Variants in CACUL1 observed in about 807,000 individuals in gnomAD.
The protein encoded by CACUL1 is CDK2-associated and cullin domain-containing protein 1.
A neutral mutation model predicts 45.2 loss-of-function variants in CACUL1; 13 were observed. That is an observed-to-expected ratio of 0.29 (90% CI 0.19 to 0.46). The LOEUF (loss-of-function observed/expected upper bound fraction) is 0.46. Ranked by LOEUF, CACUL1 falls within the 20% of genes least tolerant of loss-of-function variation. The pLI, the probability that CACUL1 is intolerant of heterozygous loss-of-function variation, is 1.00. For missense variants in CACUL1, 421 were observed against 471.4 expected (o/e 0.89, Z 0.99); for synonymous variants, 197 against 174.2 (o/e 1.13, Z -1.03).
At chr10:118,726,336 T>C in intron 3 of CACUL1, 1 of 1,287,996 alleles carries the variant, frequency 7.8e-7, no homozygotes, top group South Asian at 1.2e-5. Flanking sequence ...CTCTTTCCAT[T>C]AGTACAGGTC....
chr10:118,714,244 C>T (rs1477365931), intron 3 of CACUL1, among the ~76,000 whole-genome samples: 1 of 152,144 alleles, frequency 6.6e-6, no homozygotes, highest in Non-Finnish European at 1.5e-5. Flanking sequence ...GGTCTATCTT[C>T]TACTTTAAAT....
chr10:118,704,926 G>T (rs796858752), intron 4 of CACUL1, among the ~76,000 whole-genome samples: 5 of 152,352 alleles, frequency 3.3e-5, no homozygotes, highest in African/African-American at 1.2e-4. Context: ...TGTAACACAG[G>T]CGAGCTGGGG....
chr10:118,739,194 CAA>C (rs79882764), intron 1 of CACUL1, among the ~76,000 whole-genome samples: 5 of 125,524 alleles, frequency 4.0e-5, no homozygotes, highest in Admixed American at 1.5e-4. Context: ...TCCTCCGTCT[CAA>C]AAAAAAAAAA....
chr10:118,753,404 G>A (rs751501591), intron 1 of CACUL1, among the ~76,000 whole-genome samples: 1 of 152,192 alleles, frequency 6.6e-6, no homozygotes, highest in Non-Finnish European at 1.5e-5. Flanking sequence ...TTAGTAGCTA[G>A]AAATGAACTC....
chr10:118,733,737 C>G (rs982136111), intron 1 of CACUL1, among the ~76,000 whole-genome samples: 2 of 152,182 alleles, frequency 1.3e-5, no homozygotes, highest in Non-Finnish European at 2.9e-5. Flanking sequence ...GTAGGCCAGG[C>G]GCACTGGCTC....
In CACUL1 at chr10:118,682,693, T is replaced by C. The variant is rs1056990698; in HGVS notation, c.*3435A>G. The C allele has an allele frequency of 1.3e-5, 2 of 152,666 alleles. No homozygotes were observed. The highest frequency in any genetic ancestry group is 2.4e-5 in the African/African-American group (1 of 41,450). The allele number at this position is 152,666 out of a possible 1,614,324, so 9.5% of individuals were successfully genotyped here. On this transcript the variant is annotated 3_prime_UTR_variant, in exon 9 of 9. Transcript: ENST00000369151. The stretch of plus-strand genomic sequence containing the variant: ...GCTCATGCAAACTCTTCCTGAGGAA[T>C]TTATGTGTGCAAATCTGCAACCCGA...
chr10:118,753,946 CAAG>C (rs1845925358), intron 1 of CACUL1, among the ~76,000 whole-genome samples: 1 of 152,202 alleles, frequency 6.6e-6, no homozygotes, highest in South Asian at 2.1e-4. Flanking sequence ...GCCAAAAACA[CAAG>C]AACACAAGTT....
intron 1 of CACUL1, among the ~76,000 whole-genome samples, chr10:118,738,373 T>A (rs1845759081): frequency 6.6e-6 from 1 of 152,184 alleles, no homozygotes; most frequent in African/African-American, 2.4e-5. Flanking sequence ...ACTGGCAGAT[T>A]AAGCAGAAGT....
At chr10:118,701,013 A>G (rs1369375065) in intron 5 of CACUL1, among the ~76,000 whole-genome samples, 1 of 152,148 alleles carries the variant, frequency 6.6e-6, no homozygotes, top group East Asian at 1.9e-4. Context: ...CTTCCTAATA[A>G]TACTTTCCCT....
chr10:118,740,567 G>A (rs1033422125), intron 1 of CACUL1, among the ~76,000 whole-genome samples: 3 of 150,632 alleles, frequency 2.0e-5, no homozygotes, highest in Non-Finnish European at 4.4e-5. Context: ...CCGAGATCAC[G>A]CCACTGCACT....
At chr10:118,693,816 AT>A (rs1845294762) in intron 6 of CACUL1, 1 of 438,930 alleles carries the variant, frequency 2.3e-6, no homozygotes, top group South Asian at 1.6e-5. Context: ...TATACAAGTA[AT>A]TTCTGTTAAA....
chr10:118,679,285 C>G lies in CACUL1; in HGVS notation c.*6843G>C, dbSNP rs571122172. On this transcript the variant is annotated 3_prime_UTR_variant, in exon 9 of 9. Transcript: ENST00000369151. The stretch of plus-strand genomic sequence containing the variant: ...TGGTGTGACCTTAGCCCACTGTAAC[C>G]TCCACTTCCTGGGTTCAAGTTCTTG... 8 of 152,362 alleles carry G rather than the reference C, an allele frequency of 5.3e-5. No individual in the cohort carries two copies. The South Asian group carries it at 1.7e-3, about 32-fold the overall frequency. 9.4% of individuals were successfully genotyped at this position (152,362 alleles called of 1,614,324 possible).
intron 7 of CACUL1, among the ~76,000 whole-genome samples, chr10:118,691,019 C>G (rs1346640451): frequency 6.6e-6 from 1 of 152,224 alleles, no homozygotes; most frequent in Non-Finnish European, 1.5e-5. Context: ...CCACTGCATT[C>G]CAGCCTAGAA....
At chr10:118,692,729 C>T (rs1350541740) in intron 6 of CACUL1, 1 of 152,110 alleles carries the variant, frequency 6.6e-6, no homozygotes, top group Non-Finnish European at 1.5e-5. Context: ...ACTTTAAAAA[C>T]GATAATCTGA....
chr10:118,681,515 C>T lies in CACUL1; in HGVS notation c.*4613G>A, dbSNP rs765612853. The T allele has an allele frequency of 6.6e-6, 1 of 152,110 alleles. No individual in the cohort carries two copies. The highest frequency in any genetic ancestry group is 2.1e-4 in the South Asian group (1 of 4,822). The allele number at this position is 152,110 out of a possible 1,614,324, so 9.4% of individuals were successfully genotyped here. A position where few individuals can be genotyped will look rare whatever the true frequency, so the allele number is the denominator to read the frequency against. On this transcript the variant is annotated 3_prime_UTR_variant, in exon 9 of 9. Transcript: ENST00000369151. ...CATTGAAATGACGTGAGAATCAATA[C>T]AAAATATTTATTTTTTTTCAAACCA...
intron 3 of CACUL1, among the ~76,000 whole-genome samples, chr10:118,712,610 A>C (rs1845499819): frequency 6.6e-6 from 1 of 152,248 alleles, no homozygotes; most frequent in Non-Finnish European, 1.5e-5. Flanking sequence ...CTCAGAGGAA[A>C]GCTGCAGGGA....
At chr10:118,724,415 T>C (rs1164824237) in intron 3 of CACUL1, among the ~76,000 whole-genome samples, 1 of 152,140 alleles carries the variant, frequency 6.6e-6, no homozygotes, top group Non-Finnish European at 1.5e-5. Context: ...TGGTCCACAC[T>C]ATCTAGTCTT....
intron 3 of CACUL1, among the ~76,000 whole-genome samples, chr10:118,708,147 C>CAAAAA (rs34008762): frequency 1.9e-5 from 2 of 103,942 alleles, no homozygotes; most frequent in African/African-American, 3.8e-5. Flanking sequence ...AACACTGTCT[C>CAAAAA]AAAAAAAAAA....
Position 118,754,961 on chromosome 10 carries a change from C to A in CACUL1, c.-199G>T, listed in dbSNP as rs1845943786. Reference sequence around the variant, plus strand: ...GACGCGGCTGACGGCGGTGGGCGCTCCGGGGCTCTAGTCTGGGAGAGGCAG... The same window carrying A: ...GACGCGGCTGACGGCGGTGGGCGCTACGGGGCTCTAGTCTGGGAGAGGCAG... On this transcript the variant is annotated 5_prime_UTR_variant, in exon 1 of 9. Transcript: ENST00000369151. The A allele has an allele frequency of 1.6e-6, 1 of 619,916 alleles. No homozygotes were observed. The highest frequency in any genetic ancestry group is 2.6e-6 in the Non-Finnish European group (1 of 390,468). 38.4% of individuals were successfully genotyped at this position (619,916 alleles called of 1,614,324 possible).
Sources: allele counts gnomAD v4.1 joint callset (sites outside exome capture counted in the v4.1 genomes callset), GRCh38; gene constraint gnomAD v4.1.1; transcripts MANE v1.5; gene names NCBI Gene and HGNC (gene_info 2026-07-23, HGNC 2026-07-21).